Variants in ZFHX3 observed in about 807,000 individuals in gnomAD.
ZFHX3 encodes zinc finger homeobox 3.
Under a neutral mutation model 279.1 loss-of-function variants are expected in ZFHX3, and 42 were observed. The ratio of observed to expected loss-of-function variants is 0.15; its 90% CI spans 0.12 to 0.19. The LOEUF is 0.19. ZFHX3 is among the 10% of genes least tolerant of loss of function. ZFHX3 has a pLI of 1.00. For missense variants in ZFHX3, 4,981 were observed against 4,754.0 expected, an observed-to-expected ratio of 1.05 and a Z score of -1.40; for synonymous variants, 2,293 against 1,957.8, an observed-to-expected ratio of 1.17 and a Z score of -4.52.
chr16:73,214,755 T>G (rs2012140955), intron 5 of ZFHX3, among the ~76,000 whole-genome samples: 1 of 152,122 alleles, frequency 6.6e-6, no homozygotes. Flanking sequence ...ATGGAAATTT[T>G]CTGGCATGAG....
Position 72,797,042 on chromosome 16 carries a change from C to T in ZFHX3, c.5640G>A (p.Leu1880=), listed in dbSNP as rs2035932883. The T allele has an allele frequency of 1.2e-6, 2 of 1,613,966 alleles. No individual in the cohort carries two copies. The highest frequency in any genetic ancestry group is 1.7e-5 in the Admixed American group (1 of 59,996). The change falls in exon 9 of 10, where the codon TTG becomes TTA. Residue 1880 remains leucine (L), a synonymous_variant. Coordinates refer to ENST00000268489, the MANE Select transcript of ZFHX3 (RefSeq NM_006885.4). ...TTTCTTTTTCCTTTTCTTTGATGAC[C>T]AATTTGTTCTTCTTTTCGGGGTGCT... ...PSQHPEKKNK[L]VIKEKEKESQ...
chr16:73,842,434 G>C (rs116825206), intron 1 of ZFHX3, among the ~76,000 whole-genome samples: 2,465 of 152,124 alleles, frequency 0.016, 71 homozygotes, highest in African/African-American at 0.056. Flanking sequence ...GACTTAGACA[G>C]GTAAACCACA....
chr16:73,682,910 AAGAAAGAGAGAAAG>A (rs2053032191), intron 1 of ZFHX3, among the ~76,000 whole-genome samples: 1 of 60,906 alleles, frequency 1.6e-5, no homozygotes, highest in African/African-American at 7.4e-5. Flanking sequence ...AAGAAAGAGA[AAGAAAGAGAGAAAG>A]AGAAAGAAAG....
chr16:73,513,132 CA>C (rs1330292235), intron 2 of ZFHX3, among the ~76,000 whole-genome samples: 1 of 152,146 alleles, frequency 6.6e-6, no homozygotes, highest in Non-Finnish European at 1.5e-5. Flanking sequence ...GAGATCTCTG[CA>C]CATAGATGAA....
rs184289502 is a variant in ZFHX3, at chr16:72,935,294, G to A, written c.3216+15175C>T. ...CCACCAAAAATGTGGTTCTCAGGGC[G>A]GGGGACAATCAGATATGGGACTAAG... On this transcript the variant is annotated intron_variant, in intron 3 of 9. Transcript: ENST00000268489. Among the ~76,000 whole-genome samples, 11 of 152,174 alleles carry A rather than the reference G, an allele frequency of 7.2e-5. No individual in the cohort carries two copies. In the East Asian group the frequency reaches 1.4e-3, roughly 19 times the overall value.
intron 1 of ZFHX3, among the ~76,000 whole-genome samples, chr16:73,865,985 A>C (rs1022363568): frequency 6.6e-6 from 1 of 151,718 alleles, no homozygotes; most frequent in African/African-American, 2.4e-5. Flanking sequence ...ACTCCGTCTC[A>C]AACAAAACAA....
intron 1 of ZFHX3, among the ~76,000 whole-genome samples, chr16:73,788,866 C>T (rs149057249): frequency 0.013 from 1,954 of 151,640 alleles, 40 homozygotes; most frequent in African/African-American, 0.044. Context: ...CCCAGCTACT[C>T]GGGAGGCTGA....
chr16:73,167,428 A>G (rs574604637), intron 5 of ZFHX3, among the ~76,000 whole-genome samples: 3 of 152,386 alleles, frequency 2.0e-5, no homozygotes, highest in South Asian at 4.1e-4. Flanking sequence ...TAAGCAGTTA[A>G]TATGTGCGAT....
At chr16:73,748,882 G>C (rs951538817) in intron 1 of ZFHX3, among the ~76,000 whole-genome samples, 3 of 152,070 alleles carry the variant, frequency 2.0e-5, no homozygotes, top group African/African-American at 7.2e-5. Context: ...CCGCCTCCTG[G>C]GTTCAAGTGA....
chr16:73,254,695 G>T (rs990126133), intron 5 of ZFHX3, among the ~76,000 whole-genome samples: 2 of 152,084 alleles, frequency 1.3e-5, no homozygotes, highest in Admixed American at 1.3e-4. Context: ...TATGCAATCA[G>T]ATTCTCATCA....
intron 2 of ZFHX3, among the ~76,000 whole-genome samples, chr16:73,636,936 T>A (rs1018316667): frequency 5.3e-5 from 8 of 151,966 alleles, no homozygotes; most frequent in African/African-American, 1.4e-4. Context: ...CTGAAAAAAA[T>A]ACACAGGTTT....
intron 3 of ZFHX3, among the ~76,000 whole-genome samples, chr16:72,904,536 C>T (rs1209590925): frequency 2.0e-5 from 3 of 152,028 alleles, no homozygotes; most frequent in African/African-American, 7.2e-5. Context: ...AAATTCACTT[C>T]CCCCATCTCA....
At chr16:73,589,733 CAAAAAAAAAAAAAAAAAAA>C (rs59777135) in intron 2 of ZFHX3, among the ~76,000 whole-genome samples, 72 of 29,590 alleles carry the variant, frequency 2.4e-3, no homozygotes, top group Admixed American at 0.013. Context: ...GACTCCGTCT[CAAAAAAAAAAAAAAAAAAA>C]AAAAAAAAAA....
intron 2 of ZFHX3, among the ~76,000 whole-genome samples, chr16:73,644,085 AAAC>A (rs1466010446): frequency 1.3e-5 from 2 of 152,030 alleles, no homozygotes; most frequent in African/African-American, 2.4e-5. Flanking sequence ...CACCCACCAC[AAAC>A]AACATGTCTA....
At chr16:73,705,184 G>A (rs981020333) in intron 1 of ZFHX3, among the ~76,000 whole-genome samples, 1 of 152,200 alleles carries the variant, frequency 6.6e-6, no homozygotes, top group African/African-American at 2.4e-5. Flanking sequence ...TTATAAATGT[G>A]TGTCACTTAA....
intron 1 of ZFHX3, among the ~76,000 whole-genome samples, chr16:73,046,026 C>G (rs78672151): frequency 0.028 from 4,331 of 152,270 alleles, 71 homozygotes; most frequent in East Asian, 0.072. Context: ...TTTCTGAAAA[C>G]TATGCTGGAA....
intron 4 of ZFHX3, among the ~76,000 whole-genome samples, chr16:73,284,897 C>A (rs1027770506): frequency 6.6e-6 from 1 of 152,124 alleles, no homozygotes; most frequent in Non-Finnish European, 1.5e-5. Context: ...GGCTGGAGAG[C>A]ACTGGTGTGA....
chr16:73,741,637 C>T (rs1021335360), intron 1 of ZFHX3, among the ~76,000 whole-genome samples: 1 of 152,202 alleles, frequency 6.6e-6, no homozygotes, highest in Admixed American at 6.5e-5. Context: ...AGCTTGACCA[C>T]TGAGCCTCAT....
rs145512869 is a variant in ZFHX3, at chr16:72,889,617, C to A, written c.3448+114G>T. 253 of 988,262 alleles carry A rather than the reference C, an allele frequency of 2.6e-4. 2 individuals carry two copies. The highest frequency in any genetic ancestry group is 2.2e-3 in the African/African-American group (136 of 61,382). The allele number at this position is 988,262 out of a possible 1,614,324, so 61.2% of individuals were successfully genotyped here. ...GCTCACCTGTGAAGTCAGTAAGGAACATGAGGACCAGCTGGATCAGTAACG... is the reference window on the plus strand; with the variant it reads ...GCTCACCTGTGAAGTCAGTAAGGAAAATGAGGACCAGCTGGATCAGTAACG... On this transcript the variant is annotated intron_variant, in intron 4 of 9. Coordinates refer to ENST00000268489, the MANE Select transcript of ZFHX3 (RefSeq NM_006885.4).
Sources: allele counts gnomAD v4.1 joint callset (sites outside exome capture counted in the v4.1 genomes callset), GRCh38; gene constraint gnomAD v4.1.1; transcripts MANE v1.5; gene names NCBI Gene and HGNC (gene_info 2026-07-23, HGNC 2026-07-21).